Variants in SLC35D2 observed in about 807,000 individuals in gnomAD.
SLC35D2 encodes nucleotide sugar transporter SLC35D2.
In SLC35D2, 43 loss-of-function variants were observed where a neutral mutation model predicts 41.8. The ratio of observed to expected loss-of-function variants is 1.03; its 90% confidence interval spans 0.81 to 1.33. The LOEUF (loss-of-function observed/expected upper bound fraction) is 1.33, where lower values mean the gene tolerates loss of function less well. Ranked by LOEUF, SLC35D2 falls within the 40% of genes most tolerant of loss-of-function variation. The pLI, the probability that SLC35D2 is intolerant of heterozygous loss-of-function variation, is 0.00. For synonymous variants in SLC35D2, 150 were observed against 163.9 expected, an observed-to-expected ratio of 0.92 and a Z score of 0.65; for missense variants, 380 against 408.4, an observed-to-expected ratio of 0.93 and a Z score of 0.60.
chr9:96,356,808 A>G (rs2130956790), intron 4 of SLC35D2, among the ~76,000 whole-genome samples: 1 of 152,156 alleles, frequency 6.6e-6, no homozygotes, highest in Admixed American at 6.6e-5. Context: ...CTGGGAGGTC[A>G]AGGCTGCAGT....
At chr9:96,360,098 A>G (rs1587703022) in intron 4 of SLC35D2, 56 bp downstream of exon 4, 2 of 1,303,832 alleles carry the variant, frequency 1.5e-6, no homozygotes, top group East Asian at 4.6e-5. Context: ...TGGTCTTTGT[A>G]CCACTGGCAG....
intron 9 of SLC35D2, among the ~76,000 whole-genome samples, chr9:96,334,852 G>A (rs1564093085): frequency 1.3e-5 from 2 of 152,312 alleles, no homozygotes; most frequent in African/African-American, 4.8e-5. Flanking sequence ...GATCACCAGT[G>A]AGAGTATTCT....
chr9:96,349,900 A>G (rs1829739663), intron 6 of SLC35D2, among the ~76,000 whole-genome samples: 1 of 152,152 alleles, frequency 6.6e-6, no homozygotes, highest in South Asian at 2.1e-4. Context: ...AGCATCCTCC[A>G]CAGAACTCCT....
At chr9:96,342,791 C>A (rs1378942655) in intron 8 of SLC35D2, among the ~76,000 whole-genome samples, 2 of 152,188 alleles carry the variant, frequency 1.3e-5, no homozygotes, top group African/African-American at 2.4e-5. Flanking sequence ...GGAGAAAGAA[C>A]AAGGAGCTGC....
intron 1 of SLC35D2, among the ~76,000 whole-genome samples, chr9:96,379,188 T>G (rs368021091): frequency 1.3e-5 from 2 of 151,096 alleles, no homozygotes; most frequent in South Asian, 2.1e-4. Context: ...ACTCCTATAG[T>G]CTCAGCTACT....
At chr9:96,326,487 T>C (rs555668251) in intron 9 of SLC35D2, among the ~76,000 whole-genome samples, 37 of 151,824 alleles carry the variant, frequency 2.4e-4, no homozygotes, top group Admixed American at 1.6e-3. Flanking sequence ...TATTTGTAAG[T>C]TGAACTTTAA....
intron 8 of SLC35D2, among the ~76,000 whole-genome samples, chr9:96,339,917 T>C (rs1829237997): frequency 6.6e-6 from 1 of 152,222 alleles, no homozygotes; most frequent in African/African-American, 2.4e-5. Flanking sequence ...CCACAATCTC[T>C]GATCTTCTCC....
At chr9:96,317,711 G>T (rs1043233414), downstream of SLC35D2, among the ~76,000 whole-genome samples, 1 of 152,104 alleles carries the variant, frequency 6.6e-6, no homozygotes. Flanking sequence ...GTATGTTGAT[G>T]CAACAGGAGG....
intron 6 of SLC35D2, 176 bp downstream of exon 6, chr9:96,350,927 G>A: frequency 1.9e-6 from 1 of 519,192 alleles, no homozygotes; most frequent in Non-Finnish European, 3.5e-6. Context: ...TGGCCAATGT[G>A]GGACCCACTT....
intron 9 of SLC35D2, among the ~76,000 whole-genome samples, chr9:96,328,682 C>T (rs960300575): frequency 2.6e-5 from 4 of 152,170 alleles, no homozygotes; most frequent in Admixed American, 1.3e-4. Context: ...CTAGTTTATA[C>T]CTTGTCACTG....
At chr9:96,348,454 T>C (rs1017840281) in intron 6 of SLC35D2, among the ~76,000 whole-genome samples, 24 of 152,194 alleles carry the variant, frequency 1.6e-4, no homozygotes, top group African/African-American at 5.5e-4. Context: ...ACAGCGTGGA[T>C]GGCGTGGATG....
rs1830097213 is a variant in SLC35D2, at chr9:96,358,009, C to T, written c.347+2145G>A. Among the ~76,000 whole-genome samples, 4 of 149,982 alleles carry T rather than the reference C, an allele frequency of 2.7e-5. No individual in the cohort carries two copies. The South Asian group carries it at 6.3e-4, about 24-fold the overall frequency. ...GAGCTGTGATCGCACCACTGCATTC[C>T]AGCCTGGAGACCCTGTCTCAAAAAA... On this transcript the variant is annotated intron_variant, in intron 4 of 11. Transcript: ENST00000253270.
intron 4 of SLC35D2, among the ~76,000 whole-genome samples, chr9:96,353,809 C>T (rs973962816): frequency 6.6e-6 from 1 of 152,220 alleles, no homozygotes; most frequent in Non-Finnish European, 1.5e-5. Context: ...GCATAGTCAA[C>T]AGACTGCCAG....
intron 8 of SLC35D2, 68 bp from the exon 9 acceptor site, chr9:96,336,852 C>G: frequency 1.1e-6 from 1 of 920,704 alleles, no homozygotes; most frequent in Non-Finnish European, 1.7e-6. Flanking sequence ...ACTGGTTTTA[C>G]CAAACTGCAT....
intron 9 of SLC35D2, 78 bp from the exon 10 acceptor site, chr9:96,324,247 C>T: frequency 8.8e-7 from 1 of 1,141,762 alleles, no homozygotes; most frequent in Non-Finnish European, 1.3e-6. Context: ...CCAGCAGTGA[C>T]CCCCACACAA....
At chr9:96,372,827 C>G (rs963753650) in intron 1 of SLC35D2, among the ~76,000 whole-genome samples, 1 of 151,000 alleles carries the variant, frequency 6.6e-6, no homozygotes, top group African/African-American at 2.4e-5. Context: ...CTCAGGTGAT[C>G]CGCCCACCTC....
intron 1 of SLC35D2, among the ~76,000 whole-genome samples, chr9:96,372,334 G>A (rs1830734507): frequency 1.3e-5 from 2 of 152,120 alleles, no homozygotes; most frequent in South Asian, 4.1e-4. Context: ...CAATATTACG[G>A]GGAGGGAGTG....
At chr9:96,349,282 G>A (rs906230168) in intron 6 of SLC35D2, among the ~76,000 whole-genome samples, 4 of 152,070 alleles carry the variant, frequency 2.6e-5, no homozygotes, top group African/African-American at 7.2e-5. Flanking sequence ...TCTGCCTCTC[G>A]GGTGCAAATT....
At chr9:96,321,423 T>A (rs1828220850) in intron 11 of SLC35D2, 82 bp from the exon 12 acceptor site, 1 of 866,378 alleles carries the variant, frequency 1.2e-6, no homozygotes, top group Non-Finnish European at 1.9e-6. Flanking sequence ...TTTTTATCAA[T>A]ACACCTGCTT....
Sources: gnomAD v4.1 joint callset for allele counts (sites outside exome capture counted in the v4.1 genomes callset) on GRCh38, gnomAD v4.1.1 for gene constraint, MANE v1.5 for transcripts, NCBI Gene and HGNC (gene_info 2026-07-23, HGNC 2026-07-21) for gene names.